The following VWDE variants were observed in gnomAD, a reference collection of about 807,000 sequenced individuals.
The protein encoded by VWDE is von Willebrand factor D and EGF domains.
Under a neutral mutation model 178.4 loss-of-function variants are expected in VWDE, and 207 were observed. The ratio of observed to expected loss-of-function variants is 1.16; its 90% CI spans 1.04 to 1.30. The LOEUF (loss-of-function observed/expected upper bound fraction) is 1.30. Ranked by LOEUF, VWDE falls within the 50% of genes most tolerant of loss-of-function variation. The pLI is 0.00. For missense variants in VWDE, 2,287 were observed against 1,901.3 expected, an observed-to-expected ratio of 1.20 and a Z score of -3.77; for synonymous variants, 738 against 651.4, an observed-to-expected ratio of 1.13 and a Z score of -2.02.
At chr7:12,389,000 C>G (rs1226594680) in intron 3 of VWDE, 127 bp downstream of exon 3, 5 of 811,756 alleles carry the variant, frequency 6.2e-6, no homozygotes, top group Non-Finnish European at 1.1e-5. Flanking sequence ...TAGCTTCAAT[C>G]TAGCAATAAT....
At chr7:12,365,149 G>A (rs1046430815) in intron 13 of VWDE, among the ~76,000 whole-genome samples, 2 of 151,946 alleles carry the variant, frequency 1.3e-5, no homozygotes, top group African/African-American at 4.8e-5. Flanking sequence ...AGAGACTGAA[G>A]AAACATGACA....
chr7:12,375,595 T>C (rs911517898), intron 7 of VWDE, among the ~76,000 whole-genome samples: 2 of 151,962 alleles, frequency 1.3e-5, no homozygotes, highest in Non-Finnish European at 2.9e-5. Flanking sequence ...ATTTTTTCTG[T>C]CTAAGATTTG....
chr7:12,342,928 C>T (rs112419875), intron 22 of VWDE, among the ~76,000 whole-genome samples, 155 bp downstream of exon 22: 5 of 150,398 alleles, frequency 3.3e-5, no homozygotes, highest in South Asian at 2.1e-4. Flanking sequence ...TGAGAACATG[C>T]GGTGTTTGGT....
intron 18 of VWDE, among the ~76,000 whole-genome samples, chr7:12,352,841 G>GT (rs1782017225): frequency 6.6e-6 from 1 of 152,084 alleles, no homozygotes; most frequent in African/African-American, 2.4e-5. Context: ...CTATAACTTA[G>GT]TTTTTTCTCT....
intron 18 of VWDE, among the ~76,000 whole-genome samples, chr7:12,353,284 C>G (rs1319554568): frequency 6.6e-6 from 1 of 152,182 alleles, no homozygotes; most frequent in Non-Finnish European, 1.5e-5. Flanking sequence ...ACATCACAAG[C>G]TCTCTGGTGT....
intron 2 of VWDE, among the ~76,000 whole-genome samples, chr7:12,393,315 T>C (rs1784472119): frequency 6.6e-6 from 1 of 152,206 alleles, no homozygotes; most frequent in African/African-American, 2.4e-5. Flanking sequence ...ATATGTTTTC[T>C]GCACTGTTTG....
rs1562494994 is a variant in VWDE at position 12,370,308 on chromosome 7, A to G, written c.1998T>C (p.Asp666=). Residue 666 remains aspartate (D), a synonymous_variant, in exon 12 of 29, where the codon GAT becomes GAC. Coordinates refer to ENST00000275358, the MANE Select transcript of VWDE (RefSeq NM_001135924.3). ...CTGAATTAATATATTCGGAGGTGAC[A>G]TCTAGTTCTGGTATCAAAGAAGATA... ...VSLSSLIPEL[D]VTSEYINSDT... 3.2e-6 allele frequency: 5 copies of G among 1,551,112 alleles called. No homozygotes were observed. Among genetic ancestry groups the G allele is most frequent in the Non-Finnish European group, 4.4e-6 (5 of 1,146,828 alleles).
chr7:12,403,293 G>A (rs766399312), intron 1 of VWDE, among the ~76,000 whole-genome samples: 11 of 150,196 alleles, frequency 7.3e-5, no homozygotes, highest in Non-Finnish European at 1.3e-4. Context: ...TCTGTTCTGA[G>A]AATTCAGGTC....
intron 6 of VWDE, 124 bp downstream of exon 6, chr7:12,379,353 T>A (rs1330118588): frequency 5.5e-6 from 3 of 540,782 alleles, no homozygotes; most frequent in African/African-American, 3.9e-5. Flanking sequence ...ATATGGGGAC[T>A]CATGGGTCTC....
At chr7:12,389,036 T>C (rs1371010828) in intron 3 of VWDE, 91 bp downstream of exon 3, 1 of 917,882 alleles carries the variant, frequency 1.1e-6, no homozygotes, top group African/African-American at 1.7e-5. Context: ...TTACTGAGAT[T>C]TGCACTAACT....
intron 19 of VWDE, among the ~76,000 whole-genome samples, chr7:12,349,588 AT>A: frequency 6.6e-6 from 1 of 152,024 alleles, no homozygotes; most frequent in African/African-American, 2.4e-5. Flanking sequence ...GATAAACACA[AT>A]AATTTAAGTA....
Position 12,361,496 on chromosome 7 carries a change from C to A in VWDE, c.2924G>T (p.Gly975Val), listed in dbSNP as rs1230043738. 1 of 1,549,170 alleles carries A rather than the reference C, an allele frequency of 6.5e-7. No individual in the cohort carries two copies. The highest frequency in any genetic ancestry group is 1.2e-5 in the South Asian group (1 of 83,348). ...LQYNSSEWMP[G>V]EPIYTQTVFH... Reference sequence around the variant, plus strand: ...AACAGTCTGTGTATAGATGGGTTCTCCAGGCATCCATTCACTGCTATTATA... The same window carrying A: ...AACAGTCTGTGTATAGATGGGTTCTACAGGCATCCATTCACTGCTATTATA... The change falls in exon 14 of 29, where the codon GGA (glycine) becomes GTA (valine). Residue 975 changes from glycine to valine, a missense_variant. Gly to Val is a moderately radical substitution (Grantham distance 109). Coordinates refer to ENST00000275358, the MANE Select transcript of VWDE (RefSeq NM_001135924.3).
At chr7:12,367,862 T>C (rs1200888201) in intron 12 of VWDE, among the ~76,000 whole-genome samples, 1 of 152,136 alleles carries the variant, frequency 6.6e-6, no homozygotes, top group Non-Finnish European at 1.5e-5. Flanking sequence ...AAAAAATATT[T>C]CTGTAATAAA....
At chr7:12,391,491 G>T (rs558557206) in intron 2 of VWDE, among the ~76,000 whole-genome samples, 1 of 152,174 alleles carries the variant, frequency 6.6e-6, no homozygotes, top group South Asian at 2.1e-4. Context: ...CTACACATTC[G>T]TGTGAGGTTC....
At chr7:12,348,044 C>A (rs992593786) in intron 19 of VWDE, among the ~76,000 whole-genome samples, 76 of 152,216 alleles carry the variant, frequency 5.0e-4, no homozygotes, top group Non-Finnish European at 8.5e-4. Context: ...AAACTGGATC[C>A]CTTCCTTACA....
intron 1 of VWDE, among the ~76,000 whole-genome samples, chr7:12,398,991 A>T (rs973275997): frequency 6.6e-6 from 1 of 152,086 alleles, no homozygotes; most frequent in Non-Finnish European, 1.5e-5. Flanking sequence ...AAACCTCAGC[A>T]TCATGCGATG....
Position 12,331,133 on chromosome 7 carries a change from A to G in VWDE, c.*50T>C. On this transcript the variant is annotated 3_prime_UTR_variant, in exon 29 of 29. Coordinates refer to ENST00000275358, the MANE Select transcript of VWDE (RefSeq NM_001135924.3). ...TTATCTCCAACTTTTTCTGAACAAAATATTTCCATTCTTAAGATACAGGCT... is the reference window on the plus strand; with the variant it reads ...TTATCTCCAACTTTTTCTGAACAAAGTATTTCCATTCTTAAGATACAGGCT... The G allele has an allele frequency of 1.3e-6, 2 of 1,486,446 alleles. No individual in the cohort carries two copies. The highest frequency in any genetic ancestry group is 9.1e-7 in the Non-Finnish European group (1 of 1,104,930). The allele number at this position is 1,486,446 out of a possible 1,614,324, so 92.1% of individuals were successfully genotyped here. A position where few individuals can be genotyped will look rare whatever the true frequency, so the allele number is the denominator to read the frequency against.
At position 12,356,218 on chromosome 7, in the gene VWDE, CT is replaced by C. The variant is rs1782241182; in HGVS notation, c.3637del (p.Ser1213AlafsTer42). On this transcript the variant is annotated frameshift_variant, in exon 18 of 29. Transcript: ENST00000275358. LOFTEE classifies it high-confidence loss of function. ...LCVCLPGFHG[S>X]LCEVDISGCQ... ...CCCACTAATGTCCACTTCACAAAGG[CT>C]GCCATGGAAGCCAGGCAAGCAGACA... 6.4e-7 allele frequency: 1 copy of C among 1,551,512 alleles called. No individual in the cohort carries two copies. The highest frequency in any genetic ancestry group is 1.4e-5 in the African/African-American group (1 of 73,026).
At chr7:12,336,009 A>G (rs1011656221) in intron 27 of VWDE, 132 bp downstream of exon 27, 3 of 747,456 alleles carry the variant, frequency 4.0e-6, no homozygotes, top group Non-Finnish European at 6.3e-6. Flanking sequence ...TTATATCTAA[A>G]ATCATTTTTT....
Sources: allele counts gnomAD v4.1 joint callset (sites outside exome capture counted in the v4.1 genomes callset), GRCh38; gene constraint gnomAD v4.1.1; transcripts MANE v1.5; gene names NCBI Gene and HGNC (gene_info 2026-07-23, HGNC 2026-07-21).